NEGR1: variants seen among roughly 807,000 people sequenced by gnomAD.
The protein encoded by NEGR1 is neuronal growth regulator 1.
NEGR1 carries 10 observed loss-of-function variants against 40.9 expected under a neutral mutation model. The ratio of observed to expected loss-of-function variants is 0.24; its 90% CI spans 0.15 to 0.42. NEGR1 has a LOEUF of 0.42. NEGR1 is among the 10% of genes least tolerant of loss of function. The pLI, the probability that NEGR1 is intolerant of heterozygous loss-of-function variation, is 1.00. For missense variants in NEGR1, 352 were observed against 438.9 expected (o/e 0.80, Z 1.77); for synonymous variants, 185 against 166.8 (o/e 1.11, Z -0.84).
intron 2 of NEGR1, among the ~76,000 whole-genome samples, chr1:71,933,844 A>T (rs1645878428): frequency 6.6e-6 from 1 of 152,078 alleles, no homozygotes; most frequent in Non-Finnish European, 1.5e-5. Flanking sequence ...AAGAAGTTTA[A>T]CCTCATCACA....
chr1:71,784,960 A>G (rs779582759), intron 2 of NEGR1, among the ~76,000 whole-genome samples: 3 of 152,222 alleles, frequency 2.0e-5, no homozygotes, highest in Non-Finnish European at 2.9e-5. Flanking sequence ...ACAAAAACAC[A>G]ACATGGTTAC....
intron 6 of NEGR1, among the ~76,000 whole-genome samples, chr1:71,434,343 T>G (rs888797957): frequency 1.3e-5 from 2 of 152,140 alleles, no homozygotes; most frequent in Non-Finnish European, 2.9e-5. Context: ...AATAAATAAA[T>G]GTAAAGATGT....
intron 1 of NEGR1, among the ~76,000 whole-genome samples, chr1:72,119,164 A>G (rs894344511): frequency 6.6e-6 from 1 of 151,948 alleles, no homozygotes; most frequent in Admixed American, 6.6e-5. Flanking sequence ...ACTATGTCAG[A>G]CATTAAGCTA....
At chr1:71,435,109 A>G (rs1260468116) in intron 6 of NEGR1, among the ~76,000 whole-genome samples, 1 of 147,542 alleles carries the variant, frequency 6.8e-6, no homozygotes, top group Non-Finnish European at 1.5e-5. Flanking sequence ...AAACAAACAA[A>G]CAAAAAAAAA....
intron 2 of NEGR1, among the ~76,000 whole-genome samples, chr1:71,849,887 T>C: frequency 6.6e-6 from 1 of 152,196 alleles, no homozygotes; most frequent in East Asian, 1.9e-4. Context: ...TACACACTTA[T>C]ACTCTACAAT....
At chr1:71,803,934 T>G (rs2101751579) in intron 2 of NEGR1, among the ~76,000 whole-genome samples, 1 of 152,266 alleles carries the variant, frequency 6.6e-6, no homozygotes, top group South Asian at 2.1e-4. Flanking sequence ...TGGAAATGTA[T>G]TTATATTTTC....
intron 1 of NEGR1, among the ~76,000 whole-genome samples, chr1:72,104,992 C>A (rs1316216631): frequency 6.6e-6 from 1 of 151,928 alleles, no homozygotes; most frequent in East Asian, 1.9e-4. Context: ...GGAGCCAGAC[C>A]CCATTCACAG....
chr1:71,551,274 C>A (rs998326949), intron 6 of NEGR1, among the ~76,000 whole-genome samples: 2 of 151,490 alleles, frequency 1.3e-5, no homozygotes, highest in Non-Finnish European at 3.0e-5. Flanking sequence ...GGGGTACGTA[C>A]TTTCAATCAT....
intron 3 of NEGR1, among the ~76,000 whole-genome samples, chr1:71,743,216 T>C (rs1655271745): frequency 6.6e-6 from 1 of 152,192 alleles, no homozygotes; most frequent in Non-Finnish European, 1.5e-5. Flanking sequence ...GACATGTTGC[T>C]TCTTAAGCCA....
At chr1:71,546,890 T>C (rs558166823) in intron 6 of NEGR1, among the ~76,000 whole-genome samples, 79 of 151,798 alleles carry the variant, frequency 5.2e-4, no homozygotes, top group African/African-American at 1.7e-3. Flanking sequence ...CAGTTTCCTA[T>C]ATAAAGAGGT....
chr1:72,277,466 ATTC>A (rs1656096443), intron 1 of NEGR1, among the ~76,000 whole-genome samples: 2 of 152,202 alleles, frequency 1.3e-5, no homozygotes, highest in African/African-American at 4.8e-5. Context: ...GGGCTTTTGA[ATTC>A]TTCTGAACTA....
At chr1:72,167,697 T>G (rs1029687216) in intron 1 of NEGR1, among the ~76,000 whole-genome samples, 1 of 152,070 alleles carries the variant, frequency 6.6e-6, no homozygotes, top group African/African-American at 2.4e-5. Context: ...TGTCTTTTCT[T>G]TTTTCCCTGA....
chr1:72,113,023 T>A (rs1649437866), intron 1 of NEGR1, among the ~76,000 whole-genome samples: 2 of 151,756 alleles, frequency 1.3e-5, no homozygotes, highest in African/African-American at 2.4e-5. Flanking sequence ...CAATTTAGTG[T>A]TTTGGATTTA....
chr1:71,520,820 A>C (rs1470765396), intron 6 of NEGR1, among the ~76,000 whole-genome samples: 1 of 152,004 alleles, frequency 6.6e-6, no homozygotes, highest in African/African-American at 2.4e-5. Context: ...GATGGAGAAA[A>C]TGGGAAGGTG....
At chr1:71,908,714 C>T (rs1661345523) in intron 2 of NEGR1, among the ~76,000 whole-genome samples, 1 of 152,126 alleles carries the variant, frequency 6.6e-6, no homozygotes. Flanking sequence ...TTGCTAAATC[C>T]TCTTCAATGT....
chr1:72,272,309 A>G (rs560748167), intron 1 of NEGR1, among the ~76,000 whole-genome samples: 1 of 151,912 alleles, frequency 6.6e-6, no homozygotes, highest in African/African-American at 2.4e-5. Context: ...TTTGAACGCT[A>G]ATAACCTACC....
At chr1:71,667,018 T>G (rs1290426069) in intron 4 of NEGR1, among the ~76,000 whole-genome samples, 1 of 152,148 alleles carries the variant, frequency 6.6e-6, no homozygotes, top group Non-Finnish European at 1.5e-5. Context: ...ATAGTATACA[T>G]TTCTACAGGA....
intron 3 of NEGR1, among the ~76,000 whole-genome samples, chr1:71,744,066 T>C (rs1655302082): frequency 6.6e-6 from 1 of 152,126 alleles, no homozygotes; most frequent in African/African-American, 2.4e-5. Flanking sequence ...GCTGACAGTG[T>C]ATTTTTATAT....
intron 5 of NEGR1, among the ~76,000 whole-genome samples, chr1:71,596,870 T>C (rs1260330619): frequency 6.6e-6 from 1 of 152,144 alleles, no homozygotes; most frequent in Non-Finnish European, 1.5e-5. Context: ...TTAGAATAAC[T>C]TGGAATAAGA....
Sources: gnomAD v4.1 joint callset for allele counts (sites outside exome capture counted in the v4.1 genomes callset) on GRCh38, gnomAD v4.1.1 for gene constraint, MANE v1.5 for transcripts, NCBI Gene and HGNC (gene_info 2026-07-23, HGNC 2026-07-21) for gene names.